RTP2: variants seen among roughly 807,000 people sequenced by gnomAD.
RTP2 encodes receptor-transporting protein 2.
Under a neutral mutation model 17.9 loss-of-function variants are expected in RTP2, and 12 were observed. The ratio of observed to expected loss-of-function variants is 0.67; its 90% confidence interval spans 0.43 to 1.09. RTP2 has a LOEUF of 1.09. Ranked by LOEUF, RTP2 falls within the 50% of genes least tolerant of loss-of-function variation. The pLI is 0.00. For missense variants in RTP2, 327 were observed against 295.7 expected (o/e 1.11, Z -0.78); for synonymous variants, 126 against 117.7 (o/e 1.07, Z -0.46).
chr3:187,700,173 A>G (rs1405406235), intron 1 of RTP2, among the ~76,000 whole-genome samples: 1 of 152,130 alleles, frequency 6.6e-6, no homozygotes, highest in Non-Finnish European at 1.5e-5. Context: ...GCACCACTCA[A>G]CCCAGGCTAT....
chr3:187,701,925 A>C, intron 1 of RTP2, 40 bp downstream of exon 1: 2 of 1,530,200 alleles, frequency 1.3e-6, no homozygotes, highest in Non-Finnish European at 8.8e-7. Flanking sequence ...GCTGTGACCC[A>C]GGGGCTGTCT....
chr3:187,698,616 C>G, exon 2 of RTP2: 1 of 1,614,230 alleles, frequency 6.2e-7, no homozygotes, highest in Non-Finnish European at 8.5e-7. Flanking sequence ...CGCCTGGGCC[C>G]TCGGCTTGGA....
chr3:187,699,729 CCACACACACACACACA>C (rs1328615413), intron 1 of RTP2, among the ~76,000 whole-genome samples: 1 of 116,440 alleles, frequency 8.6e-6, no homozygotes, highest in African/African-American at 3.4e-5. Flanking sequence ...CATTGCCACT[CCACACACACACACACA>C]CACACACACA....
upstream of RTP2, among the ~76,000 whole-genome samples, chr3:187,706,367 T>C (rs1717991449): frequency 6.6e-6 from 1 of 152,202 alleles, no homozygotes; most frequent in Non-Finnish European, 1.5e-5. Context: ...GTTAAAAAGC[T>C]ACATTTCTTG....
At chr3:187,705,694 G>T (rs535671789), upstream of RTP2, among the ~76,000 whole-genome samples, 1 of 152,122 alleles carries the variant, frequency 6.6e-6, no homozygotes, top group East Asian at 1.9e-4. Context: ...GACTGATGGG[G>T]ATTCCTTGAT....
the RTP2 span, among the ~76,000 whole-genome samples, chr3:187,712,739 C>T: frequency 8.0e-3 from 1,216 of 152,256 alleles, 26 homozygotes; most frequent in Admixed American, 0.054. Context: ...TAGAACTCTG[C>T]GGTCTCAACG....
Position 187,701,735 on chromosome 3 carries a change from A to G in RTP2, c.164+230T>C, listed in dbSNP as rs537436497. On this transcript the variant is annotated intron_variant, in intron 1 of 1. Transcript: ENST00000358241. ...TACAGCTCTTCATTTAATGTGGACA[A>G]CTAAGACCCAAAGATGGAACATAAC... Among the ~76,000 whole-genome samples, 8 of 152,320 alleles carry G rather than the reference A, an allele frequency of 5.3e-5. 2 individuals carry two copies. Among genetic ancestry groups the G allele is most frequent in the African/African-American group, 1.9e-4 (8 of 41,556 alleles).
the RTP2 span, among the ~76,000 whole-genome samples, chr3:187,714,758 C>G: frequency 2.0e-5 from 3 of 152,084 alleles, no homozygotes; most frequent in Non-Finnish European, 4.4e-5. Flanking sequence ...AAGAGAGGGA[C>G]TGAAGGGAGG....
chr3:187,706,416 G>C (rs778080302), upstream of RTP2, among the ~76,000 whole-genome samples: 4 of 152,156 alleles, frequency 2.6e-5, no homozygotes, highest in Non-Finnish European at 5.9e-5. Context: ...CTTGGGAAGA[G>C]AGAATTCTAC....
At chr3:187,710,376 CAT>C in the RTP2 span, among the ~76,000 whole-genome samples, 32,803 of 142,622 alleles carry the variant, frequency 0.23, 4,493 homozygotes, top group African/African-American at 0.4. Context: ...CCTAAATATC[CAT>C]ATATATATAT....
exon 1 of RTP2, chr3:187,702,390 T>A: frequency 1.8e-6 from 1 of 546,980 alleles, no homozygotes; most frequent in South Asian, 1.7e-5. Flanking sequence ...GAGGCAGCGC[T>A]GGGTAGGCCT....
the RTP2 span, among the ~76,000 whole-genome samples, chr3:187,709,126 C>T: frequency 1.3e-5 from 2 of 151,964 alleles, 1 homozygote; most frequent in South Asian, 4.1e-4. Flanking sequence ...TCATTTTTTC[C>T]AAGTTACTAT....
rs530009240 is a variant in RTP2, at chr3:187,702,193, A to G, written c.-65T>C. 2.0e-6 allele frequency: 3 copies of G among 1,492,966 alleles called. No homozygotes were observed. The South Asian group carries it at 3.8e-5, about 19-fold the overall frequency. The allele number at this position is 1,492,966 out of a possible 1,614,324, so 92.5% of individuals were successfully genotyped here. ...GTGAGAACACAGAAAGAGCACGGAT[A>G]GGTACGGGACAATTCAGTGTCTACG... On this transcript the variant is annotated 5_prime_UTR_variant, in exon 1 of 2. Coordinates refer to ENST00000358241, the Ensembl canonical transcript of RTP2.
exon 1 of RTP2, chr3:187,702,101 A>C: frequency 6.2e-7 from 1 of 1,612,158 alleles, no homozygotes; most frequent in Non-Finnish European, 8.5e-7. Flanking sequence ...ACTTTCTTCC[A>C]CTCACAAGTG....
At chr3:187,710,170 T>A in the RTP2 span, among the ~76,000 whole-genome samples, 71 of 152,182 alleles carry the variant, frequency 4.7e-4, 1 homozygote, top group South Asian at 0.015. Flanking sequence ...AGCTGAGACA[T>A]TGATCTCCTC....
At chr3:187,711,556 T>G in the RTP2 span, among the ~76,000 whole-genome samples, 1 of 152,248 alleles carries the variant, frequency 6.6e-6, no homozygotes, top group Admixed American at 6.5e-5. Context: ...ATGGCACCAA[T>G]CCATTGAAGT....
At chr3:187,699,341 C>T (rs529489096) in intron 1 of RTP2, among the ~76,000 whole-genome samples, 10 of 152,248 alleles carry the variant, frequency 6.6e-5, no homozygotes, top group South Asian at 4.2e-4. Flanking sequence ...GTCATCCCCC[C>T]CTCTCTGGGC....
At chr3:187,698,863 C>T in exon 2 of RTP2, 1 of 1,613,276 alleles carries the variant, frequency 6.2e-7, no homozygotes, top group Non-Finnish European at 8.5e-7. Flanking sequence ...CTGGACTCGT[C>T]CAGCCGCGCC....
chr3:187,703,811 A>G (rs1224928283), upstream of RTP2, among the ~76,000 whole-genome samples: 1 of 152,166 alleles, frequency 6.6e-6, no homozygotes, highest in Non-Finnish European at 1.5e-5. Flanking sequence ...ATAAAGGAAA[A>G]ACAGAAAGAG....
Sources: allele counts gnomAD v4.1 joint callset (sites outside exome capture counted in the v4.1 genomes callset), GRCh38; gene constraint gnomAD v4.1.1; transcripts MANE v1.5; gene names NCBI Gene and HGNC (gene_info 2026-07-23, HGNC 2026-07-21).